CLNK: variants seen among roughly 807,000 people sequenced by gnomAD.
The protein encoded by CLNK is cytokine-dependent hematopoietic cell linker.
Under a neutral mutation model 68.6 loss-of-function variants are expected in CLNK, and 74 were observed. That is an observed-to-expected ratio of 1.08 (90% CI 0.89 to 1.31). The LOEUF is 1.31. Ranked by LOEUF, CLNK falls within the 50% of genes most tolerant of loss-of-function variation. CLNK has a pLI of 0.00. For synonymous variants in CLNK, 198 were observed against 172.2 expected (o/e 1.15, Z -1.17); for missense variants, 553 against 515.3 (o/e 1.07, Z -0.71).
chr4:10,514,398 C>T (rs1448615328), intron 15 of CLNK, among the ~76,000 whole-genome samples: 1 of 151,962 alleles, frequency 6.6e-6, no homozygotes, highest in Non-Finnish European at 1.5e-5. Context: ...CGGACCAAAA[C>T]AGAGATATAG....
intron 1 of CLNK, among the ~76,000 whole-genome samples, chr4:10,679,584 C>G (rs981390153): frequency 6.6e-6 from 1 of 152,110 alleles, no homozygotes; most frequent in Non-Finnish European, 1.5e-5. Context: ...AGGCAACCTA[C>G]AGAATAGGAG....
At chr4:10,568,656 G>A (rs2108825785) in intron 5 of CLNK, among the ~76,000 whole-genome samples, 1 of 152,302 alleles carries the variant, frequency 6.6e-6, no homozygotes, top group East Asian at 1.9e-4. Flanking sequence ...CCAGCCAGCA[G>A]GGACATGGGG....
intron 3 of CLNK, among the ~76,000 whole-genome samples, chr4:10,586,583 G>A (rs778354899): frequency 6.6e-6 from 1 of 152,028 alleles, no homozygotes. Flanking sequence ...ACAGTGCTGG[G>A]ATTACAGGCT....
At position 10,487,333 on chromosome 4, in the gene CLNK, C is replaced by A. The variant is rs1362360727; in HGVS notation, c.*3134G>T. The A allele has an allele frequency of 6.6e-6, 1 of 152,166 alleles. No homozygotes were observed. The highest frequency in any genetic ancestry group is 1.5e-5 in the Non-Finnish European group (1 of 68,038). 9.4% of individuals were successfully genotyped at this position (152,166 alleles called of 1,614,324 possible). A position where few individuals can be genotyped will look rare whatever the true frequency, so the allele number is the denominator to read the frequency against. ...ATTTTGGCCAATGAGGTACAATTTC[C>A]TCAATTATAAAATGCATTAGAAATA... On this transcript the variant is annotated 3_prime_UTR_variant, in exon 19 of 19. Transcript: ENST00000226951.
chr4:10,489,654 T>C lies in CLNK; in HGVS notation c.*813A>G, dbSNP rs1050485134. 6 of 142,782 alleles carry C rather than the reference T, an allele frequency of 4.2e-5. No homozygotes were observed. The highest frequency in any genetic ancestry group is 1.5e-4 in the African/African-American group (6 of 40,396). The allele number at this position is 142,782 out of a possible 1,614,324, so 8.8% of individuals were successfully genotyped here. A position where few individuals can be genotyped will look rare whatever the true frequency, so the allele number is the denominator to read the frequency against. On this transcript the variant is annotated 3_prime_UTR_variant, in exon 19 of 19. Transcript: ENST00000226951. ...GATTACAATAAAAGAGAGCTAATAT[T>C]CACCAACCCAACACCTTTTTTTTTT...
Position 10,490,578 on chromosome 4 carries a change from G to A in CLNK, c.1176C>T (p.Tyr392=), listed in dbSNP as rs1716527436. Residue 392 remains tyrosine (Y), a synonymous_variant, in exon 19 of 19, where the codon TAC becomes TAT. Coordinates refer to ENST00000226951, the MANE Select transcript of CLNK (RefSeq NM_052964.4). ...CAATTAGTATAATGGGAAAATTCTTGTAGTGTTCGATGATGTCTTCTACTG... is the reference window on the plus strand; with the variant it reads ...CAATTAGTATAATGGGAAAATTCTTATAGTGTTCGATGATGTCTTCTACTG... ...FDSVEDIIEH[Y]KNFPIILIDG... The A allele has an allele frequency of 4.4e-6, 7 of 1,585,214 alleles. No individual in the cohort carries two copies. In the African/African-American group the frequency reaches 9.4e-5, roughly 21 times the overall value.
chr4:10,560,507 G>T (rs888925566), intron 7 of CLNK, among the ~76,000 whole-genome samples: 4 of 152,180 alleles, frequency 2.6e-5, no homozygotes, highest in Admixed American at 1.3e-4. Context: ...GCAGTGGCAT[G>T]ATTTCAGCTC....
intron 16 of CLNK, among the ~76,000 whole-genome samples, chr4:10,513,214 TA>T (rs60083448): frequency 0.97 from 148,368 of 152,276 alleles, 72,316 homozygotes; most frequent in East Asian, 1. Flanking sequence ...GATTAATTTT[TA>T]AAAAAACACT....
intron 14 of CLNK, among the ~76,000 whole-genome samples, chr4:10,523,599 GAAAC>G (rs995649436): frequency 3.5e-4 from 45 of 126,964 alleles, no homozygotes; most frequent in African/African-American, 9.3e-4. Flanking sequence ...TGTAATAAAT[GAAAC>G]AAACAAACAA....
the CLNK span, among the ~76,000 whole-genome samples, chr4:10,721,622 T>G: frequency 6.6e-6 from 1 of 152,224 alleles, no homozygotes; most frequent in East Asian, 1.9e-4. Context: ...GTCCACACAT[T>G]TATATTTTCA....
chr4:10,621,232 G>A (rs1370761022), intron 2 of CLNK, among the ~76,000 whole-genome samples: 3 of 152,170 alleles, frequency 2.0e-5, no homozygotes, highest in African/African-American at 7.2e-5. Context: ...CTTGAAACGC[G>A]ATAGAAGTGT....
intron 8 of CLNK, among the ~76,000 whole-genome samples, chr4:10,550,282 G>C (rs895145735): frequency 1.1e-4 from 17 of 151,908 alleles, no homozygotes; most frequent in Admixed American, 6.6e-4. Context: ...TGACGAGGTC[G>C]GGAGATCGAG....
chr4:10,680,347 T>C (rs1725048502), intron 1 of CLNK, among the ~76,000 whole-genome samples: 1 of 117,292 alleles, frequency 8.5e-6, no homozygotes, highest in Admixed American at 1.2e-4. Flanking sequence ...AAGGGGAACA[T>C]CACACACTGG....
At chr4:10,614,575 C>T (rs1235903721) in intron 2 of CLNK, among the ~76,000 whole-genome samples, 1 of 152,210 alleles carries the variant, frequency 6.6e-6, no homozygotes, top group African/African-American at 2.4e-5. Flanking sequence ...CCAGCAGCAT[C>T]TCCCAAGGGC....
At chr4:10,687,873 C>A (rs938013190), upstream of CLNK, among the ~76,000 whole-genome samples, 5 of 152,118 alleles carry the variant, frequency 3.3e-5, no homozygotes. Flanking sequence ...TCCCCCATAT[C>A]CCTCTTGCAT....
intron 4 of CLNK, among the ~76,000 whole-genome samples, chr4:10,572,524 G>C (rs759971404): frequency 1.3e-5 from 2 of 152,130 alleles, no homozygotes; most frequent in Non-Finnish European, 2.9e-5. Context: ...TTGTATTGTA[G>C]TTTCCTGCTA....
intron 2 of CLNK, among the ~76,000 whole-genome samples, chr4:10,653,635 C>T (rs551210853): frequency 4.0e-4 from 61 of 151,956 alleles, no homozygotes; most frequent in African/African-American, 9.7e-4. Context: ...CCTAATTTGG[C>T]GAATCAATGA....
At chr4:10,641,101 T>A (rs1424103003) in intron 2 of CLNK, among the ~76,000 whole-genome samples, 1 of 151,918 alleles carries the variant, frequency 6.6e-6, no homozygotes. Flanking sequence ...ATACAGGGAG[T>A]CATGTTTAAA....
intron 2 of CLNK, among the ~76,000 whole-genome samples, chr4:10,636,253 C>T (rs1452547279): frequency 6.6e-6 from 1 of 152,070 alleles, no homozygotes; most frequent in East Asian, 1.9e-4. Context: ...GGTCTTTAAT[C>T]CAATATGACT....
Sources: allele counts gnomAD v4.1 joint callset (sites outside exome capture counted in the v4.1 genomes callset), GRCh38; gene constraint gnomAD v4.1.1; transcripts MANE v1.5; gene names NCBI Gene and HGNC (gene_info 2026-07-23, HGNC 2026-07-21).